ARID1B: variants seen among roughly 807,000 people sequenced by gnomAD.
ARID1B encodes the protein AT-rich interaction domain 1B.
Under a neutral mutation model 212.3 loss-of-function variants are expected in ARID1B, and 30 were observed. That is an observed-to-expected ratio of 0.14 (90% CI 0.11 to 0.19). The LOEUF is 0.19. ARID1B is among the 10% of genes least tolerant of loss of function. The pLI, the probability that ARID1B is intolerant of heterozygous loss-of-function variation, is 1.00. For missense variants in ARID1B, 2,891 were observed against 3,204.0 expected, an observed-to-expected ratio of 0.90 and a Z score of 2.36; for synonymous variants, 1,402 against 1,301.7, an observed-to-expected ratio of 1.08 and a Z score of -1.66.
intron 3 of ARID1B, among the ~76,000 whole-genome samples, chr6:156,913,021 C>CT (rs112512329): frequency 0.15 from 20,375 of 136,536 alleles, 1,696 homozygotes; most frequent in Non-Finnish European, 0.2. Flanking sequence ...TTCATACTTT[C>CT]TTTTTTTTTT....
chr6:157,054,945 A>T (rs1342047458), intron 4 of ARID1B, among the ~76,000 whole-genome samples: 1 of 152,200 alleles, frequency 6.6e-6, no homozygotes, highest in African/African-American at 2.4e-5. Flanking sequence ...ACATGGATAC[A>T]TCACCTGGTT....
intron 5 of ARID1B, among the ~76,000 whole-genome samples, chr6:157,109,212 T>C (rs1453129309): frequency 6.6e-6 from 1 of 152,070 alleles, no homozygotes; most frequent in Admixed American, 6.5e-5. Flanking sequence ...CATCGTCAAA[T>C]ACCAGGCTTT....
intron 4 of ARID1B, among the ~76,000 whole-genome samples, chr6:156,991,655 G>A (rs1778285652): frequency 6.6e-6 from 1 of 152,112 alleles, no homozygotes; most frequent in Non-Finnish European, 1.5e-5. Context: ...TAAATTAAAG[G>A]ATATTTTCCT....
chr6:156,878,605 C>A (rs1357340891), intron 2 of ARID1B, among the ~76,000 whole-genome samples: 3 of 152,220 alleles, frequency 2.0e-5, no homozygotes, highest in African/African-American at 7.2e-5. Flanking sequence ...ATCTAGCTGC[C>A]TGTAACTCCA....
At chr6:156,859,559 G>A (rs892699560) in intron 2 of ARID1B, among the ~76,000 whole-genome samples, 1 of 152,158 alleles carries the variant, frequency 6.6e-6, no homozygotes, top group Non-Finnish European at 1.5e-5. Context: ...GTTTACAGGT[G>A]TGCTGTAGTG....
At position 156,778,967 on chromosome 6, in the gene ARID1B, G is replaced by GGCGGCAGCA. The variant is rs2114992179; in HGVS notation, c.1290_1298dup (p.Ala431_Ala433dup). 5 of 1,285,780 alleles carry GGCGGCAGCA rather than the reference G, an allele frequency of 3.9e-6. No individual in the cohort carries two copies. Among genetic ancestry groups the GGCGGCAGCA allele is most frequent in the East Asian group, 3.1e-5 (1 of 31,838 alleles). The allele number at this position is 1,285,780 out of a possible 1,614,324, so 79.6% of individuals were successfully genotyped here. ...CTGTGGCGGCGGCGGCCGCGGCGGC[G>GGCGGCAGCA]GCGGCAGCAGCAGGAGGCGGCGGCG... is the stretch of plus-strand genomic sequence containing the variant. On this transcript the variant is annotated inframe_insertion, in exon 1 of 20. Coordinates refer to ENST00000636930, the MANE Select transcript of ARID1B (RefSeq NM_001374828.1).
rs1233331358 is a variant in ARID1B, at chr6:157,195,976, G to A, written c.4232-189G>A. The A allele has an allele frequency of 1.8e-5, 10 of 564,796 alleles. No homozygotes were observed. The Admixed American group carries it at 2.0e-4, about 11-fold the overall frequency. The allele number at this position is 564,796 out of a possible 1,614,324, so 35.0% of individuals were successfully genotyped here. On this transcript the variant is annotated intron_variant, in intron 15 of 19. Coordinates refer to ENST00000636930, the MANE Select transcript of ARID1B (RefSeq NM_001374828.1). ...CTTGGGAGGGTGACGCAGGAGAATC[G>A]CCTGAACCCGGGAGGCAGAGGTTGC...
At chr6:157,059,751 A>AT (rs1436757611) in intron 4 of ARID1B, among the ~76,000 whole-genome samples, 2 of 152,182 alleles carry the variant, frequency 1.3e-5, no homozygotes, top group African/African-American at 4.8e-5. Flanking sequence ...CCTGGGAAAC[A>AT]TTTTGTGAGG....
intron 7 of ARID1B, among the ~76,000 whole-genome samples, chr6:157,139,312 A>T (rs1220170761): frequency 1.3e-5 from 2 of 152,268 alleles, no homozygotes; most frequent in South Asian, 2.1e-4. Context: ...CAGGGTGTGG[A>T]CATGCAGCTT....
intron 4 of ARID1B, among the ~76,000 whole-genome samples, chr6:156,975,750 T>C (rs777802811): frequency 2.0e-5 from 3 of 152,154 alleles, no homozygotes; most frequent in Admixed American, 6.5e-5. Flanking sequence ...AAGATTTTTC[T>C]CCTCTTCCCC....
intron 4 of ARID1B, among the ~76,000 whole-genome samples, chr6:156,998,705 A>G (rs1778747270): frequency 6.6e-6 from 1 of 152,194 alleles, no homozygotes; most frequent in African/African-American, 2.4e-5. Flanking sequence ...GATGGAAGCA[A>G]CACCACACAT....
Position 157,127,798 on chromosome 6 carries a change from A to C in ARID1B, c.2582-5230A>C, listed in dbSNP as rs533553772. ...GACTCTGTCTCAAAAAAAAAAAAAA[A>C]AAAAAAAACAAAAATTAGCCAGGCA... On this transcript the variant is annotated intron_variant, in intron 6 of 19. Transcript: ENST00000636930. Among the ~76,000 whole-genome samples, 82 of 149,310 alleles carry C rather than the reference A, an allele frequency of 5.5e-4. 1 individual carries two copies. The Middle Eastern group carries it at 0.017, about 31-fold the overall frequency.
intron 1 of ARID1B, among the ~76,000 whole-genome samples, chr6:156,810,183 T>C (rs1244429267): frequency 6.6e-6 from 1 of 152,272 alleles, no homozygotes; most frequent in East Asian, 1.9e-4. Flanking sequence ...CACTATTTTG[T>C]ACACATTGTC....
At chr6:156,954,093 T>G (rs1793782901) in intron 4 of ARID1B, among the ~76,000 whole-genome samples, 2 of 152,230 alleles carry the variant, frequency 1.3e-5, no homozygotes, top group African/African-American at 4.8e-5. Context: ...AGATTTGCTC[T>G]GTTGCTCCTT....
At chr6:156,857,003 G>A (rs1483203111) in intron 2 of ARID1B, among the ~76,000 whole-genome samples, 1 of 152,164 alleles carries the variant, frequency 6.6e-6, no homozygotes, top group East Asian at 1.9e-4. Context: ...ATTTATGGGA[G>A]CCGCATGGAG....
chr6:157,078,611 T>TG (rs1784448173), intron 4 of ARID1B, among the ~76,000 whole-genome samples: 2 of 152,232 alleles, frequency 1.3e-5, no homozygotes, highest in Admixed American at 1.3e-4. Context: ...ATTTCATACT[T>TG]GCATTGTTTA....
rs2128400449 is a variant in ARID1B, at chr6:157,208,500, C to T, written c.*609C>T. ...GAATATGGTTCCATTAGGCTGGGAG[C>T]AAAAACAATGTTTTTTAAGATTGAG... On this transcript the variant is annotated 3_prime_UTR_variant, in exon 20 of 20. Transcript: ENST00000636930. 1 of 233,214 alleles carries T rather than the reference C, an allele frequency of 4.3e-6. No homozygotes were observed. The allele number at this position is 233,214 out of a possible 1,614,324, so 14.4% of individuals were successfully genotyped here.
At position 156,975,924 on chromosome 6, in the gene ARID1B, T is replaced by G. The variant is rs112831153; in HGVS notation, c.2247+40348T>G. On this transcript the variant is annotated intron_variant, in intron 4 of 19. Transcript: ENST00000636930. ...GTGATGGGATTATCATTAGTTCTTA[T>G]AGGTTTGTGATAGGCGGTGGAGTTG... Among the ~76,000 whole-genome samples the G allele has an allele frequency of 2.0e-5, 3 of 151,772 alleles. No homozygotes were observed. The South Asian group carries it at 6.3e-4, about 32-fold the overall frequency.
rs770512547 is a variant in ARID1B, at chr6:156,778,031, G to GTCC, written c.370_372dup (p.Ser124dup). Reference sequence around the variant, plus strand: ...AGGAGGGTGGAAGCGCCGCCGCGCTGTCCTCCTCCTCCTCCTCCTCCGCGG... The same window carrying GTCC: ...AGGAGGGTGGAAGCGCCGCCGCGCTGTCCTCCTCCTCCTCCTCCTCCTCCGCGG... On this transcript the variant is annotated inframe_insertion, in exon 1 of 20. Coordinates refer to ENST00000636930, the MANE Select transcript of ARID1B (RefSeq NM_001374828.1). 3.9e-4 allele frequency: 601 copies of GTCC among 1,532,492 alleles called. 2 individuals are homozygous for GTCC. The highest frequency in any genetic ancestry group is 3.0e-3 in the East Asian group (123 of 40,648). The allele number at this position is 1,532,492 out of a possible 1,614,324, so 94.9% of individuals were successfully genotyped here.
Sources: gnomAD v4.1 joint callset for allele counts (sites outside exome capture counted in the v4.1 genomes callset) on GRCh38, gnomAD v4.1.1 for gene constraint, MANE v1.5 for transcripts, NCBI Gene and HGNC (gene_info 2026-07-23, HGNC 2026-07-21) for gene names.